TNPO3: variants seen among roughly 807,000 people sequenced by gnomAD.
TNPO3 encodes the protein transportin 3, also known as transportin-3.
In TNPO3, 65 loss-of-function variants were observed where a neutral mutation model predicts 122.8. That is an observed-to-expected ratio of 0.53 (90% CI 0.43 to 0.65). The LOEUF is 0.65. TNPO3 is among the 30% of genes least tolerant of loss of function. The pLI, the probability that TNPO3 is intolerant of heterozygous loss-of-function variation, is 0.00. For missense variants in TNPO3, 850 were observed against 1,136.7 expected (o/e 0.75, Z 3.63); for synonymous variants, 372 against 411.2 (o/e 0.90, Z 1.15).
chr7:129,056,070 C>T, upstream of TNPO3: 6 of 1,165,944 alleles, frequency 5.1e-6, no homozygotes, highest in South Asian at 7.6e-5. Context: ...GATGAACGGG[C>T]GGAAGAAATG....
chr7:128,967,005 C>T (rs988982900), intron 21 of TNPO3, among the ~76,000 whole-genome samples: 8 of 152,146 alleles, frequency 5.3e-5, no homozygotes, highest in African/African-American at 1.4e-4. Context: ...GATCTCCTGA[C>T]GGGGAGTGAG....
intron 1 of TNPO3, among the ~76,000 whole-genome samples, chr7:129,034,724 C>T (rs1015581233): frequency 4.1e-5 from 6 of 146,698 alleles, no homozygotes; most frequent in Non-Finnish European, 9.0e-5. Context: ...CCCATCTCTA[C>T]TAAAAATACA....
intron 12 of TNPO3, among the ~76,000 whole-genome samples, chr7:128,984,536 A>G (rs2150332925): frequency 6.6e-6 from 1 of 152,382 alleles, no homozygotes; most frequent in African/African-American, 2.4e-5. Context: ...CCAATGGCAA[A>G]GCTATTTTAA....
chr7:129,019,086 A>G lies in TNPO3; in HGVS notation c.121-929T>C, dbSNP rs1255457077. On this transcript the variant is annotated intron_variant, in intron 1 of 22. Transcript: ENST00000265388. Reference sequence around the variant, plus strand: ...ACACATGTTACTGAAATCATTTTCAATGGAAAAATAAACTTATCTATAGAC... The same window carrying G: ...ACACATGTTACTGAAATCATTTTCAGTGGAAAAATAAACTTATCTATAGAC... 3.3e-5 allele frequency among the ~76,000 whole-genome samples: 5 copies of G among 152,362 alleles called. No homozygotes were observed. In the East Asian group the frequency reaches 7.7e-4, roughly 23 times the overall value.
chr7:128,988,195 C>A (rs917383073), intron 11 of TNPO3, among the ~76,000 whole-genome samples: 1 of 152,014 alleles, frequency 6.6e-6, no homozygotes, highest in African/African-American at 2.4e-5. Flanking sequence ...AGGTTGGTCT[C>A]GAACTCTTGA....
intron 21 of TNPO3, among the ~76,000 whole-genome samples, chr7:128,962,238 G>GC (rs1797529064): frequency 6.6e-6 from 1 of 151,998 alleles, no homozygotes. Flanking sequence ...GGTGGCGGGT[G>GC]CCTGTAGTCC....
chr7:128,958,831 C>G (rs1034296334), intron 21 of TNPO3, among the ~76,000 whole-genome samples: 1 of 152,118 alleles, frequency 6.6e-6, no homozygotes, highest in Non-Finnish European at 1.5e-5. Context: ...CAGGGAGACC[C>G]CGTCTCTACA....
intron 12 of TNPO3, among the ~76,000 whole-genome samples, chr7:128,986,027 C>T (rs1800105266): frequency 6.6e-6 from 1 of 152,180 alleles, no homozygotes; most frequent in South Asian, 2.1e-4. Flanking sequence ...CAGGGCACCC[C>T]AATCTGTGTT....
intron 1 of TNPO3, among the ~76,000 whole-genome samples, chr7:129,046,507 A>G (rs1808078379): frequency 2.0e-5 from 3 of 152,326 alleles, no homozygotes; most frequent in South Asian, 4.1e-4. Context: ...AAATGCCTAA[A>G]CTTTCAAGAT....
intron 7 of TNPO3, 71 bp downstream of exon 7, chr7:129,000,358 G>A (rs1051089783): frequency 2.1e-6 from 3 of 1,396,472 alleles, no homozygotes; most frequent in Non-Finnish European, 2.8e-6. Context: ...TTGGGCACGA[G>A]GTAATGAAAT....
At chr7:129,050,346 T>A (rs1454732763) in intron 1 of TNPO3, among the ~76,000 whole-genome samples, 2 of 122,546 alleles carry the variant, frequency 1.6e-5, no homozygotes, top group East Asian at 2.4e-4. Flanking sequence ...ATGGCGCCAC[T>A]GCACTCCAGC....
At position 129,054,579 on chromosome 7, in the gene TNPO3, G is replaced by A. The variant is rs188447630; in HGVS notation, c.120+72C>T. 3.8e-4 allele frequency: 603 copies of A among 1,592,724 alleles called. 2 individuals are homozygous for A. In the African/African-American group the frequency reaches 6.9e-3, roughly 18 times the overall value. On this transcript the variant is annotated intron_variant, in intron 1 of 22. Transcript: ENST00000265388. ...TCACGAGGTCAACTGCCGGGCTCAG[G>A]TTCTCCCCCGGAGCCTAGGTTCCAC...
intron 21 of TNPO3, among the ~76,000 whole-genome samples, 177 bp from the exon 22 acceptor site, chr7:128,957,492 T>C (rs929363451): frequency 3.9e-5 from 6 of 152,198 alleles, no homozygotes; most frequent in Non-Finnish European, 7.3e-5. Context: ...AAAATTATTA[T>C]ATATGAGAAA....
chr7:128,999,673 C>T (rs766726991), intron 7 of TNPO3, among the ~76,000 whole-genome samples: 1 of 151,498 alleles, frequency 6.6e-6, no homozygotes, highest in Non-Finnish European at 1.5e-5. Flanking sequence ...TGCAGTGGCC[C>T]GATCTCAGCT....
At chr7:128,963,533 G>T (rs1053907680) in intron 21 of TNPO3, among the ~76,000 whole-genome samples, 7 of 152,126 alleles carry the variant, frequency 4.6e-5, no homozygotes, top group Admixed American at 4.6e-4. Flanking sequence ...CCAGTGGAGG[G>T]GAAATCCCCA....
intron 21 of TNPO3, among the ~76,000 whole-genome samples, chr7:128,958,764 T>C (rs1563084234): frequency 6.6e-6 from 1 of 152,174 alleles, no homozygotes. Context: ...ATCCTAAAAA[T>C]GTAATGAAAA....
At position 128,979,070 on chromosome 7, in the gene TNPO3, A is replaced by G. The variant is rs1234712772; in HGVS notation, c.1974T>C (p.Ile658=). The G allele has an allele frequency of 1.9e-6, 3 of 1,614,248 alleles. No individual in the cohort carries two copies. Among genetic ancestry groups the G allele is most frequent in the Middle Eastern group, 1.6e-4 (1 of 6,062 alleles). The change falls in exon 16 of 23, where the codon ATT becomes ATC. Residue 658 remains isoleucine (I), a synonymous_variant. Transcript: ENST00000265388. The part of the protein sequence containing the change: ...TLNKHRADNR[I]VERCCRCLRF... ...GCAGGCACCTGCAACAACGCTCTAC[A>G]ATCCGATTATCAGCTCGGTGCTTAT... is the stretch of plus-strand genomic sequence containing the variant.
At chr7:129,015,818 G>A (rs949470536) in intron 3 of TNPO3, among the ~76,000 whole-genome samples, 1 of 152,150 alleles carries the variant, frequency 6.6e-6, no homozygotes, top group African/African-American at 2.4e-5. Context: ...GGGTGACAGA[G>A]TGAGACCCTG....
At chr7:129,020,267 T>C (rs1804328588) in intron 1 of TNPO3, among the ~76,000 whole-genome samples, 1 of 152,200 alleles carries the variant, frequency 6.6e-6, no homozygotes, top group African/African-American at 2.4e-5. Context: ...AAACATCGTG[T>C]CTTAAATGTA....
Sources: allele counts gnomAD v4.1 joint callset (sites outside exome capture counted in the v4.1 genomes callset), GRCh38; gene constraint gnomAD v4.1.1; transcripts MANE v1.5; gene names NCBI Gene and HGNC (gene_info 2026-07-23, HGNC 2026-07-21).